B4GALNT3: variants seen among roughly 807,000 people sequenced by gnomAD.
B4GALNT3 encodes the protein beta-1,4-N-acetyl-galactosaminyltransferase 3, also known as beta-1,4-N-acetylgalactosaminyltransferase 3.
In B4GALNT3, 86 loss-of-function variants were observed where a neutral mutation model predicts 120.2. The observed-to-expected ratio is 0.72, with a 90% CI of 0.60 to 0.86. B4GALNT3 has a LOEUF of 0.86. Among genes scored for constraint, B4GALNT3 ranks in the 40% least tolerant of loss-of-function variants. The probability of loss-of-function intolerance (pLI) is 0.00; values close to 1 mark genes in which losing one functional copy is unlikely to be tolerated. For missense variants in B4GALNT3, 1,167 were observed against 1,298.9 expected, an observed-to-expected ratio of 0.90 and a Z score of 1.56; for synonymous variants, 518 against 510.4, an observed-to-expected ratio of 1.01 and a Z score of -0.20.
At position 486,270 on chromosome 12, in the gene B4GALNT3, C is replaced by T. The variant is rs547811966; in HGVS notation, c.169+25725C>T. Among the ~76,000 whole-genome samples the T allele has an allele frequency of 4.0e-4, 55 of 136,996 alleles. No homozygotes were observed. In the South Asian group the frequency reaches 0.012, roughly 29 times the overall value. 89.9% of individuals were successfully genotyped at this position (136,996 alleles called of 152,430 possible). On this transcript the variant is annotated intron_variant, in intron 1 of 19. Coordinates refer to ENST00000266383, the MANE Select transcript of B4GALNT3 (RefSeq NM_173593.4). ...TGCCACCCAGGCTAGAGTGCAGTGG[C>T]GTGATCTTGGCTCACTGCAACCTCC...
At chr12:463,435 A>G (rs1946044428) in intron 1 of B4GALNT3, among the ~76,000 whole-genome samples, 1 of 152,236 alleles carries the variant, frequency 6.6e-6, no homozygotes, top group Non-Finnish European at 1.5e-5. Context: ...CAAAAGAATT[A>G]GGACTGTTCA....
In B4GALNT3 at chr12:534,577, A is replaced by G. The variant is rs73592348; in HGVS notation, c.170-589A>G. Among the ~76,000 whole-genome samples the G allele has an allele frequency of 8.9e-3, 1,361 of 152,270 alleles. 27 individuals carry two copies. Among genetic ancestry groups the G allele is most frequent in the African/African-American group, 0.031 (1,308 of 41,554 alleles). On this transcript the variant is annotated intron_variant, in intron 1 of 19. Transcript: ENST00000266383. ...GGTACAGACAGCGTCAGCCACACGC[A>G]GCCTCCCGGTGACTCCAGTAATAGC...
intron 1 of B4GALNT3, among the ~76,000 whole-genome samples, chr12:478,475 A>G (rs1415642250): frequency 1.3e-5 from 2 of 152,196 alleles, no homozygotes; most frequent in Admixed American, 6.5e-5. Context: ...GAGCTATCAA[A>G]TTGGAAGTCA....
chr12:546,157 G>C (rs981313052), intron 6 of B4GALNT3, among the ~76,000 whole-genome samples: 1 of 136,814 alleles, frequency 7.3e-6, no homozygotes, highest in Admixed American at 7.2e-5. Flanking sequence ...GGAAGAGGAG[G>C]GGGGAATGAG....
intron 1 of B4GALNT3, among the ~76,000 whole-genome samples, chr12:499,451 G>A (rs899243101): frequency 1.4e-5 from 2 of 143,828 alleles, no homozygotes; most frequent in South Asian, 4.5e-4. Flanking sequence ...GTCCTAGCCC[G>A]TGGAGCCCGT....
chr12:497,100 A>T (rs941488100), intron 1 of B4GALNT3, among the ~76,000 whole-genome samples: 1 of 152,160 alleles, frequency 6.6e-6, no homozygotes, highest in African/African-American at 2.4e-5. Context: ...CGCTGAGAGT[A>T]CTGGGATTAC....
chr12:465,790 C>G (rs912192916), intron 1 of B4GALNT3, among the ~76,000 whole-genome samples: 1 of 144,994 alleles, frequency 6.9e-6, no homozygotes, highest in Non-Finnish European at 1.5e-5. Flanking sequence ...GGTCCCATTC[C>G]CCTGCTTGAT....
chr12:526,641 T>A (rs1946761570), intron 1 of B4GALNT3, among the ~76,000 whole-genome samples: 2 of 152,228 alleles, frequency 1.3e-5, no homozygotes, highest in South Asian at 4.1e-4. Flanking sequence ...CAACACTTAC[T>A]ACTAAATGGG....
At chr12:527,148 G>C (rs1023922192) in intron 1 of B4GALNT3, among the ~76,000 whole-genome samples, 1 of 152,006 alleles carries the variant, frequency 6.6e-6, no homozygotes, top group Non-Finnish European at 1.5e-5. Context: ...GGCTGGTCTC[G>C]AACTCTTGAA....
intron 1 of B4GALNT3, among the ~76,000 whole-genome samples, chr12:469,723 C>T (rs1946117133): frequency 6.6e-6 from 1 of 152,106 alleles, no homozygotes; most frequent in African/African-American, 2.4e-5. Context: ...GAAGCGATAG[C>T]CTCTCACTCT....
intron 1 of B4GALNT3, among the ~76,000 whole-genome samples, chr12:497,236 C>T (rs1490259391): frequency 6.6e-6 from 1 of 152,176 alleles, no homozygotes; most frequent in Non-Finnish European, 1.5e-5. Context: ...TCACTGCAAC[C>T]TCCGCCTCCC....
At chr12:505,706 C>G (rs1192433083) in intron 1 of B4GALNT3, among the ~76,000 whole-genome samples, 1 of 152,092 alleles carries the variant, frequency 6.6e-6, no homozygotes, top group East Asian at 1.9e-4. Context: ...TCCTGAAGAC[C>G]CTTGTTTCAT....
intron 1 of B4GALNT3, among the ~76,000 whole-genome samples, chr12:470,650 CG>C (rs1946126884): frequency 6.6e-6 from 1 of 152,134 alleles, no homozygotes; most frequent in Non-Finnish European, 1.5e-5. Context: ...AGGCAGGGGA[CG>C]TTGCACAGGC....
intron 1 of B4GALNT3, among the ~76,000 whole-genome samples, chr12:506,741 A>G (rs1268531018): frequency 6.6e-6 from 1 of 152,044 alleles, no homozygotes; most frequent in Non-Finnish European, 1.5e-5. Flanking sequence ...GGTTCACGCC[A>G]TTCTCCTGCC....
rs1346891640 is a variant in B4GALNT3 at position 546,661 on chromosome 12, A to G, written c.655A>G (p.Thr219Ala). ...ASVGKTGKEWTAPGEFGKFRS... is the reference protein window; with the variant it reads ...ASVGKTGKEWAAPGEFGKFRS... The stretch of plus-strand genomic sequence containing the variant: ...ACACCTCTAGACTGGAAAGGAGTGG[A>G]CCGCCCCGGGAGAGTTTGGGAAATT... The change falls in exon 7 of 20, where the codon ACC (threonine) becomes GCC (alanine). Residue 219 changes from threonine to alanine, a missense_variant. By Grantham distance (58) the Thr-to-Ala change is moderately conservative. This residue lies in a region of B4GALNT3 where 983 missense variants were observed against 1,102.5 expected (regional missense o/e 0.89). Transcript: ENST00000266383. 4 of 1,550,958 alleles carry G rather than the reference A, an allele frequency of 2.6e-6. No individual in the cohort carries two copies. The highest frequency in any genetic ancestry group is 2.0e-5 in the Admixed American group (1 of 50,964).
At position 552,459 on chromosome 12, in the gene B4GALNT3, T is replaced by C. The variant is rs528716909; in HGVS notation, c.1209-8T>C. The C allele has an allele frequency of 8.1e-5, 130 of 1,613,550 alleles. No individual in the cohort carries two copies. The South Asian group carries it at 1.4e-3, about 17-fold the overall frequency. The stretch of plus-strand genomic sequence containing the variant: ...GGGTGCCAATGCACACCTCCCTTCC[T>C]CCTGCAGGTTCAGCTTTCAGGAGTA... On this transcript the variant is annotated splice_region_variant and splice_polypyrimidine_tract_variant and intron_variant, in intron 12 of 19. Coordinates refer to ENST00000266383, the MANE Select transcript of B4GALNT3 (RefSeq NM_173593.4).
At chr12:542,468 C>T (rs972129910) in intron 3 of B4GALNT3, among the ~76,000 whole-genome samples, 1 of 152,224 alleles carries the variant, frequency 6.6e-6, no homozygotes, top group Non-Finnish European at 1.5e-5. Context: ...TTTGCTATCT[C>T]GTGGGCATGG....
At chr12:546,527 C>T in intron 6 of B4GALNT3, 119 bp from the exon 7 acceptor site, 1 of 905,034 alleles carries the variant, frequency 1.1e-6, no homozygotes, top group Non-Finnish European at 1.8e-6. Context: ...CTTCATTCCG[C>T]CCGTCTTCCT....
Position 558,506 on chromosome 12 carries a change from A to G in B4GALNT3, c.2608-2A>G. 6.2e-7 allele frequency: 1 copy of G among 1,613,866 alleles called. No homozygotes were observed. Among genetic ancestry groups the G allele is most frequent in the Non-Finnish European group, 8.5e-7 (1 of 1,179,846 alleles). On this transcript the variant is annotated splice_acceptor_variant, in intron 17 of 19. Coordinates refer to ENST00000266383, the MANE Select transcript of B4GALNT3 (RefSeq NM_173593.4). LOFTEE classifies it high-confidence loss of function. ...GCTGACCCTGCCCACATCTGTCCCC[A>G]GGACCCGCACAGCATCATCTTCCTC...
Sources: gnomAD v4.1 joint callset for allele counts (sites outside exome capture counted in the v4.1 genomes callset) on GRCh38, gnomAD v4.1.1 for gene constraint, gnomAD v4.1.1 regional missense constraint, MANE v1.5 for transcripts, NCBI Gene and HGNC (gene_info 2026-07-23, HGNC 2026-07-21) for gene names.